The following MMRN1 variants were observed in gnomAD, a reference collection of about 807,000 sequenced individuals.
The protein encoded by MMRN1 is multimerin 1.
In MMRN1, 94 loss-of-function variants were observed where a neutral mutation model predicts 100.7. The ratio of observed to expected loss-of-function variants is 0.93; its 90% confidence interval spans 0.79 to 1.11. MMRN1 has a LOEUF of 1.11. Among genes scored for constraint, MMRN1 ranks in the 50% least tolerant of loss-of-function variants. The probability of loss-of-function intolerance (pLI) is 0.00; values close to 1 mark genes in which losing one functional copy is unlikely to be tolerated. For synonymous variants in MMRN1, 575 were observed against 505.0 expected, an observed-to-expected ratio of 1.14 and a Z score of -1.86; for missense variants, 1,606 against 1,439.1, an observed-to-expected ratio of 1.12 and a Z score of -1.88.
At position 89,912,057 on chromosome 4, in the gene MMRN1, T is replaced by C. The variant is rs1439784784; in HGVS notation, c.850+7T>C. ...CCGAAATGTCAACTAAGAGGTACACTCTAATATTAATAATCACAATTCTGA... is the reference window on the plus strand; with the variant it reads ...CCGAAATGTCAACTAAGAGGTACACCCTAATATTAATAATCACAATTCTGA... On this transcript the variant is annotated splice_region_variant and intron_variant, in intron 3 of 7. Coordinates refer to ENST00000264790, the MANE Select transcript of MMRN1 (RefSeq NM_007351.3). The C allele has an allele frequency of 3.3e-6, 5 of 1,527,712 alleles. No individual in the cohort carries two copies. Among genetic ancestry groups the C allele is most frequent in the Non-Finnish European group, 4.5e-6 (5 of 1,119,004 alleles). 94.6% of individuals were successfully genotyped at this position (1,527,712 alleles called of 1,614,324 possible).
At chr4:89,923,594 G>C (rs1215625808) in intron 4 of MMRN1, among the ~76,000 whole-genome samples, 1 of 152,192 alleles carries the variant, frequency 6.6e-6, no homozygotes, top group Non-Finnish European at 1.5e-5. Context: ...CATTATGGAA[G>C]ACCCTTGACA....
intron 1 of MMRN1, among the ~76,000 whole-genome samples, chr4:89,883,629 A>G (rs998246502): frequency 2.0e-5 from 3 of 152,012 alleles, no homozygotes; most frequent in Admixed American, 1.3e-4. Flanking sequence ...AATTCATTTT[A>G]TATTTTGAAT....
chr4:89,919,348 C>T (rs932558656), intron 3 of MMRN1, among the ~76,000 whole-genome samples: 2 of 151,436 alleles, frequency 1.3e-5, no homozygotes, highest in Admixed American at 6.6e-5. Context: ...AATTTCATAA[C>T]ATTTTTTAAT....
chr4:89,938,377 T>C (rs1431275424), intron 6 of MMRN1, among the ~76,000 whole-genome samples: 1 of 150,070 alleles, frequency 6.7e-6, no homozygotes, highest in Non-Finnish European at 1.5e-5. Flanking sequence ...TTCCATACTA[T>C]TTCCATTATT....
intron 3 of MMRN1, among the ~76,000 whole-genome samples, chr4:89,920,854 C>T (rs891890203): frequency 2.6e-5 from 4 of 151,512 alleles, no homozygotes; most frequent in Admixed American, 2.0e-4. Flanking sequence ...TGCCCCATTC[C>T]TCAAAATAGA....
At chr4:89,917,105 G>T (rs2110606116) in intron 3 of MMRN1, among the ~76,000 whole-genome samples, 1 of 151,286 alleles carries the variant, frequency 6.6e-6, no homozygotes, top group African/African-American at 2.4e-5. Context: ...GTGTGTTTGT[G>T]TGTGTGTGTA....
At chr4:89,908,489 T>C (rs1050223580) in intron 1 of MMRN1, among the ~76,000 whole-genome samples, 1 of 151,510 alleles carries the variant, frequency 6.6e-6, no homozygotes, top group Non-Finnish European at 1.5e-5. Flanking sequence ...ATATTTGCAT[T>C]GGGTTTCCCA....
At chr4:89,914,669 CA>C (rs1366239546) in intron 3 of MMRN1, among the ~76,000 whole-genome samples, 1 of 151,410 alleles carries the variant, frequency 6.6e-6, no homozygotes, top group Admixed American at 6.6e-5. Context: ...ACAGTTTGCA[CA>C]AGGGTTTTGC....
chr4:89,932,563 A>C (rs1231546652), intron 5 of MMRN1, among the ~76,000 whole-genome samples: 1 of 152,194 alleles, frequency 6.6e-6, no homozygotes, highest in African/African-American at 2.4e-5. Flanking sequence ...GTGTTTTCAT[A>C]CATTCTCTGC....
At chr4:89,880,508 C>T (rs1377772363) in intron 1 of MMRN1, among the ~76,000 whole-genome samples, 2 of 152,048 alleles carry the variant, frequency 1.3e-5, no homozygotes, top group Non-Finnish European at 2.9e-5. Context: ...AGTTGTCCAA[C>T]AAGAATTTAC....
chr4:89,912,710 A>G (rs1721793726), intron 3 of MMRN1, among the ~76,000 whole-genome samples: 1 of 151,286 alleles, frequency 6.6e-6, no homozygotes. Flanking sequence ...ATTTTAAATG[A>G]ATGAATATTA....
At chr4:89,941,240 G>A (rs780996774) in intron 6 of MMRN1, among the ~76,000 whole-genome samples, 13 of 152,080 alleles carry the variant, frequency 8.5e-5, no homozygotes, top group South Asian at 4.1e-4. Flanking sequence ...ATACGTGTAC[G>A]CATTTGGTAA....
intron 6 of MMRN1, among the ~76,000 whole-genome samples, chr4:89,940,592 C>T (rs182396586): frequency 5.1e-4 from 77 of 152,136 alleles, no homozygotes; most frequent in Non-Finnish European, 5.7e-4. Context: ...AATCAGGACA[C>T]CAGGGTTCAA....
rs534194712 is a variant in MMRN1 at position 89,889,297 on chromosome 4, G to A, written c.-248-5427G>A. 2.0e-5 allele frequency among the ~76,000 whole-genome samples: 3 copies of A among 152,262 alleles called. No homozygotes were observed. The East Asian group carries it at 5.8e-4, about 29-fold the overall frequency. On this transcript the variant is annotated intron_variant, in intron 1 of 8. Transcript: ENST00000394980. The stretch of plus-strand genomic sequence containing the variant: ...AGAAAAAGCTCTCTGAACTGTGTGT[G>A]ATACGAGGCCTAAAATTAAGACACA...
chr4:89,881,965 A>G (rs1159908719), intron 1 of MMRN1, among the ~76,000 whole-genome samples: 1 of 151,938 alleles, frequency 6.6e-6, no homozygotes, highest in Non-Finnish European at 1.5e-5. Flanking sequence ...TATACCTTAA[A>G]TTTATTACTA....
At chr4:89,934,756 GC>G in intron 5 of MMRN1, 53 bp from the exon 6 acceptor site, 1 of 1,040,926 alleles carries the variant, frequency 9.6e-7, no homozygotes, top group Non-Finnish European at 1.3e-6. Context: ...TTTTAGAGAT[GC>G]TTAAAGTCTC....
intron 6 of MMRN1, among the ~76,000 whole-genome samples, chr4:89,946,747 AT>A (rs1248922120): frequency 6.6e-6 from 1 of 152,212 alleles, no homozygotes; most frequent in Non-Finnish European, 1.5e-5. Context: ...TTTATGAAAT[AT>A]GAAACTAGGA....
intron 5 of MMRN1, among the ~76,000 whole-genome samples, chr4:89,932,253 C>A (rs571503443): frequency 6.6e-6 from 1 of 152,300 alleles, no homozygotes; most frequent in African/African-American, 2.4e-5. Context: ...CACACTGATG[C>A]AAGAGGTGGG....
At chr4:89,887,249 G>A (rs1007896789) in intron 1 of MMRN1, among the ~76,000 whole-genome samples, 25 of 152,092 alleles carry the variant, frequency 1.6e-4, no homozygotes, top group African/African-American at 4.8e-4. Context: ...CAGATTTAAT[G>A]CAATCCCTAT....
Sources: allele counts gnomAD v4.1 joint callset (sites outside exome capture counted in the v4.1 genomes callset), GRCh38; gene constraint gnomAD v4.1.1; transcripts MANE v1.5; gene names NCBI Gene and HGNC (gene_info 2026-07-23, HGNC 2026-07-21).